Variants in FOXP2 observed in about 807,000 individuals in gnomAD.
FOXP2 encodes forkhead box protein P2.
In FOXP2, 12 loss-of-function variants were observed where a neutral mutation model predicts 115.8. That is an observed-to-expected ratio of 0.10 (90% CI 0.07 to 0.17). The LOEUF is 0.17. FOXP2 is among the 10% of genes least tolerant of loss of function. FOXP2 has a pLI of 1.00. For missense variants in FOXP2, 629 were observed against 843.5 expected (o/e 0.75, Z 3.15); for synonymous variants, 328 against 297.7 (o/e 1.10, Z -1.05).
At chr7:114,438,303 G>A (rs73718509) in intron 2 of FOXP2, among the ~76,000 whole-genome samples, 15,922 of 152,078 alleles carry the variant, frequency 0.1, 922 homozygotes, top group Middle Eastern at 0.18. Flanking sequence ...CCCAATTCAA[G>A]TGTTTTGTTA....
At chr7:114,525,457 A>G (rs1346405695) in intron 2 of FOXP2, among the ~76,000 whole-genome samples, 2 of 152,188 alleles carry the variant, frequency 1.3e-5, no homozygotes, top group Non-Finnish European at 1.5e-5. Context: ...ATACCGATAT[A>G]TTTATATGTC....
intron 3 of FOXP2, among the ~76,000 whole-genome samples, chr7:114,601,218 G>A (rs944200545): frequency 6.6e-6 from 1 of 151,996 alleles, no homozygotes; most frequent in African/African-American, 2.4e-5. Context: ...CTCCCACCTC[G>A]GCCTCCCAAA....
chr7:114,509,761 T>C (rs754168391), intron 2 of FOXP2, among the ~76,000 whole-genome samples: 13 of 151,740 alleles, frequency 8.6e-5, no homozygotes, highest in Non-Finnish European at 1.6e-4. Context: ...TCAAGGCAAA[T>C]GGACAAATTC....
intron 2 of FOXP2, among the ~76,000 whole-genome samples, chr7:114,370,184 T>C (rs533142466): frequency 4.5e-4 from 68 of 152,314 alleles, no homozygotes; most frequent in African/African-American, 1.5e-3. Flanking sequence ...ACTTTCAACT[T>C]TTCTTTATTA....
intron 1 of FOXP2, among the ~76,000 whole-genome samples, chr7:114,257,755 A>G (rs982226058): frequency 6.6e-6 from 1 of 152,132 alleles, no homozygotes; most frequent in Non-Finnish European, 1.5e-5. Flanking sequence ...GCCCGGCCAT[A>G]AAGTCATTTT....
chr7:114,411,909 G>A (rs1169654277), upstream of FOXP2, among the ~76,000 whole-genome samples: 2 of 152,076 alleles, frequency 1.3e-5, no homozygotes, highest in African/African-American at 4.8e-5. Flanking sequence ...TGGAGCCAGT[G>A]CATGGCACAT....
At chr7:114,280,436 T>C (rs1796303964) in intron 1 of FOXP2, among the ~76,000 whole-genome samples, 1 of 152,154 alleles carries the variant, frequency 6.6e-6, no homozygotes, top group Non-Finnish European at 1.5e-5. Flanking sequence ...ATTTATGTTA[T>C]TTTAGACATG....
intron 1 of FOXP2, among the ~76,000 whole-genome samples, chr7:114,168,315 G>T (rs191682938): frequency 1.7e-3 from 266 of 152,266 alleles, no homozygotes; most frequent in African/African-American, 6.1e-3. Flanking sequence ...TTTTTGAATG[G>T]CTTTGCCCAA....
chr7:114,257,339 C>A (rs998825611), intron 1 of FOXP2, among the ~76,000 whole-genome samples: 2 of 151,988 alleles, frequency 1.3e-5, no homozygotes, highest in Non-Finnish European at 2.9e-5. Flanking sequence ...ACTATAAAAA[C>A]CCTAGAAGAA....
At chr7:114,593,178 A>G (rs1802524109) in intron 3 of FOXP2, among the ~76,000 whole-genome samples, 3 of 151,950 alleles carry the variant, frequency 2.0e-5, no homozygotes, top group African/African-American at 7.2e-5. Flanking sequence ...TTTTTCAAGA[A>G]ATTTTAATGT....
At chr7:114,516,586 A>G (rs1438509298) in intron 2 of FOXP2, among the ~76,000 whole-genome samples, 2 of 152,008 alleles carry the variant, frequency 1.3e-5, no homozygotes, top group Non-Finnish European at 2.9e-5. Context: ...AAACTTCCAT[A>G]CTGTTTTCCA....
At chr7:114,440,912 C>T (rs773443925) in intron 2 of FOXP2, among the ~76,000 whole-genome samples, 1 of 152,046 alleles carries the variant, frequency 6.6e-6, no homozygotes, top group Non-Finnish European at 1.5e-5. Context: ...AGAAAAGAAA[C>T]ATGGAATGGA....
chr7:114,362,297 T>G (rs2129187762), intron 2 of FOXP2, among the ~76,000 whole-genome samples: 1 of 152,194 alleles, frequency 6.6e-6, no homozygotes, highest in Non-Finnish European at 1.5e-5. Context: ...ATGAATAACC[T>G]TAATGCTTAG....
chr7:114,252,771 G>GT (rs199607867), intron 1 of FOXP2, among the ~76,000 whole-genome samples: 6,307 of 152,118 alleles, frequency 0.041, 324 homozygotes, highest in African/African-American at 0.12. Flanking sequence ...TTTTTGAAGG[G>GT]TTTTTTGTGT....
At chr7:114,638,504 A>C (rs1805346399) in intron 6 of FOXP2, among the ~76,000 whole-genome samples, 1 of 152,210 alleles carries the variant, frequency 6.6e-6, no homozygotes, top group African/African-American at 2.4e-5. Context: ...TAAAACTTTC[A>C]AAATTGTACA....
At chr7:114,594,429 T>C (rs1802594689) in intron 3 of FOXP2, among the ~76,000 whole-genome samples, 1 of 152,060 alleles carries the variant, frequency 6.6e-6, no homozygotes, top group African/African-American at 2.4e-5. Flanking sequence ...AGTGCTTTGT[T>C]TCAGCCATGC....
In FOXP2 at chr7:114,235,861, C is replaced by T. The variant is rs73439586; in HGVS notation, c.-101-52158C>T. 5.7e-3 allele frequency among the ~76,000 whole-genome samples: 866 copies of T among 152,262 alleles called. 9 individuals carry two copies. The highest frequency in any genetic ancestry group is 0.019 in the African/African-American group (771 of 41,538). ...TTCATTCTCCAGTCTTATCACTATA[C>T]GGAGAAATTAAACTTATACAACTCA... On this transcript the variant is annotated intron_variant, in intron 1 of 17. Transcript: ENST00000634411.
chr7:114,219,215 A>G (rs1409134941), intron 1 of FOXP2, among the ~76,000 whole-genome samples: 1 of 152,110 alleles, frequency 6.6e-6, no homozygotes, highest in African/African-American at 2.4e-5. Flanking sequence ...ATTATATAAA[A>G]TTTTAATTAT....
chr7:114,676,910 A>C (rs1333414916), intron 16 of FOXP2, among the ~76,000 whole-genome samples: 1 of 152,194 alleles, frequency 6.6e-6, no homozygotes, highest in Non-Finnish European at 1.5e-5. Context: ...ATAAATTTTA[A>C]GGTTTTGTTA....
Sources: gnomAD v4.1 joint callset for allele counts (sites outside exome capture counted in the v4.1 genomes callset) on GRCh38, gnomAD v4.1.1 for gene constraint, MANE v1.5 for transcripts, NCBI Gene and HGNC (gene_info 2026-07-23, HGNC 2026-07-21) for gene names.